SHE: variants seen among roughly 807,000 people sequenced by gnomAD.
SHE encodes SH2 domain-containing adapter protein E.
In SHE, 11 loss-of-function variants were observed where a neutral mutation model predicts 49.8. The ratio of observed to expected loss-of-function variants is 0.22; its 90% confidence interval spans 0.14 to 0.37. SHE has a LOEUF of 0.37. Ranked by LOEUF, SHE falls within the 10% of genes least tolerant of loss-of-function variation. The pLI is 1.00. For missense variants in SHE, 624 were observed against 655.5 expected, an observed-to-expected ratio of 0.95 and a Z score of 0.52; for synonymous variants, 310 against 278.1, an observed-to-expected ratio of 1.11 and a Z score of -1.14.
chr1:154,495,455 C>T (rs773886088), intron 2 of SHE, among the ~76,000 whole-genome samples: 3 of 152,062 alleles, frequency 2.0e-5, no homozygotes, highest in Non-Finnish European at 4.4e-5. Context: ...AAATTCTTAA[C>T]TTTTAAAAGT....
chr1:154,471,246 G>A (rs191419635), intron 1 of SHE, among the ~76,000 whole-genome samples: 133 of 152,204 alleles, frequency 8.7e-4, no homozygotes, highest in African/African-American at 3.0e-3. Flanking sequence ...CAGGCCAGGC[G>A]CAGTGGCTCA....
At chr1:154,479,064 T>A (rs1365380384), downstream of SHE, among the ~76,000 whole-genome samples, 1 of 152,022 alleles carries the variant, frequency 6.6e-6, no homozygotes, top group Non-Finnish European at 1.5e-5. Context: ...CTGGTACAAT[T>A]TTTTTTTAAA....
In SHE at chr1:154,486,449, T is replaced by C. The variant is rs200949039; in HGVS notation, c.1181+78A>G. ...CATTAACAAAAATAATCATGTGAAA[T>C]GGGCCAATGTGCTCCCTGATACAAA... is the stretch of plus-strand genomic sequence containing the variant. On this transcript the variant is annotated intron_variant, in intron 4 of 5. Transcript: ENST00000304760. 337 of 1,533,734 alleles carry C rather than the reference T, an allele frequency of 2.2e-4. 2 individuals are homozygous for C. The East Asian group carries it at 7.6e-3, about 34-fold the overall frequency.
chr1:154,497,614 C>A (rs1394540205), intron 2 of SHE, among the ~76,000 whole-genome samples: 5 of 152,144 alleles, frequency 3.3e-5, no homozygotes, highest in African/African-American at 1.2e-4. Flanking sequence ...TGAAAAGTTA[C>A]AAGATTAGTC....
At chr1:154,476,668 G>A (rs1470242073), downstream of SHE, among the ~76,000 whole-genome samples, 9 of 149,994 alleles carry the variant, frequency 6.0e-5, no homozygotes, top group Admixed American at 1.3e-4. Context: ...AATCCATACC[G>A]TCTCAGAAAA....
chr1:154,495,558 CCT>C (rs1692502318), intron 2 of SHE, among the ~76,000 whole-genome samples: 1 of 152,018 alleles, frequency 6.6e-6, no homozygotes, highest in Admixed American at 6.6e-5. Flanking sequence ...TTCCTCTGCC[CCT>C]GAGGTAGATG....
Position 154,482,157 on chromosome 1 carries a change from G to A in SHE, c.*1992C>T, listed in dbSNP as rs758592315. 1 of 218,988 alleles carries A rather than the reference G, an allele frequency of 4.6e-6. No homozygotes were observed. The highest frequency in any genetic ancestry group is 7.7e-6 in the Non-Finnish European group (1 of 129,658). 13.6% of individuals were successfully genotyped at this position (218,988 alleles called of 1,614,324 possible). On this transcript the variant is annotated 3_prime_UTR_variant, in exon 6 of 6. Coordinates refer to ENST00000304760, the MANE Select transcript of SHE (RefSeq NM_001010846.3). Reference sequence around the variant, plus strand: ...GCCTCCCAAGCAGCTGGAACTACAGGTGCCCGCCACCGTGCCCAGCTAATT... The same window carrying A: ...GCCTCCCAAGCAGCTGGAACTACAGATGCCCGCCACCGTGCCCAGCTAATT...
At chr1:154,488,922 C>T (rs1692269826) in intron 3 of SHE, 129 bp downstream of exon 3, 1 of 1,287,038 alleles carries the variant, frequency 7.8e-7, no homozygotes, top group East Asian at 2.4e-5. Context: ...CAGGCATTTC[C>T]AAAACAGTTG....
At position 154,480,401 on chromosome 1, in the gene SHE, A is replaced by AGAAT; in HGVS notation, c.*3744_*3747dup. 8 of 985,478 alleles carry AGAAT rather than the reference A, an allele frequency of 8.1e-6. No individual in the cohort carries two copies. Among genetic ancestry groups the AGAAT allele is most frequent in the Non-Finnish European group, 9.6e-6 (8 of 829,942 alleles). The allele number at this position is 985,478 out of a possible 1,614,324, so 61.0% of individuals were successfully genotyped here. ...CTAACCCCACTTAACCCGCAACTGA[A>AGAAT]GAATGCCTCACAGTTATTCTTCTGA... On this transcript the variant is annotated 3_prime_UTR_variant, in exon 6 of 6. Coordinates refer to ENST00000304760, the MANE Select transcript of SHE (RefSeq NM_001010846.3).
rs1293162552 is a variant in SHE, at chr1:154,484,008, A to G, written c.*141T>C. On this transcript the variant is annotated 3_prime_UTR_variant, in exon 6 of 6. Transcript: ENST00000304760. Reference sequence around the variant, plus strand: ...GCGAGACTTCGTCTCAAACAAAACAAAACAAATCACTCTCTGACTTTTCAA... The same window carrying G: ...GCGAGACTTCGTCTCAAACAAAACAGAACAAATCACTCTCTGACTTTTCAA... 6 of 1,436,332 alleles carry G rather than the reference A, an allele frequency of 4.2e-6. No homozygotes were observed. The East Asian group carries it at 1.5e-4, about 36-fold the overall frequency. 89.0% of individuals were successfully genotyped at this position (1,436,332 alleles called of 1,614,324 possible). A position where few individuals can be genotyped will look rare whatever the true frequency, so the allele number is the denominator to read the frequency against.
downstream of SHE, chr1:154,469,718 G>A (rs895335054): frequency 1.3e-5 from 2 of 152,296 alleles, no homozygotes; most frequent in East Asian, 1.9e-4. Flanking sequence ...ATTTTGCCAC[G>A]CTTACATCAC....
At chr1:154,475,960 C>A (rs1691867865), downstream of SHE, among the ~76,000 whole-genome samples, 1 of 152,180 alleles carries the variant, frequency 6.6e-6, no homozygotes, top group South Asian at 2.1e-4. Flanking sequence ...CTGTGCCCAG[C>A]CCATTGTATT....
intron 2 of SHE, among the ~76,000 whole-genome samples, chr1:154,493,335 C>A (rs953621097): frequency 6.6e-6 from 1 of 152,210 alleles, no homozygotes; most frequent in African/African-American, 2.4e-5. Context: ...AAACCTGAGG[C>A]GCCATAGAAA....
intron 3 of SHE, among the ~76,000 whole-genome samples, chr1:154,487,078 C>G (rs1174180043): frequency 6.6e-6 from 1 of 152,104 alleles, no homozygotes; most frequent in African/African-American, 2.4e-5. Flanking sequence ...TCAAGACCAT[C>G]CTGGCTAACC....
At chr1:154,472,572 C>A (rs762735699) in intron 1 of SHE, among the ~76,000 whole-genome samples, 3 of 152,190 alleles carry the variant, frequency 2.0e-5, no homozygotes, top group African/African-American at 4.8e-5. Flanking sequence ...TTCAGTGGAT[C>A]CCTTCTGTGG....
rs1268451552 is a variant in SHE at position 154,489,136 on chromosome 1, C to G, written c.939G>C (p.Arg313=). ...AEGKARPPDS[R]LPENDERPAA... ...CGGGCCTCTCGTCGTTCTCGGGCAGCCGGCTGTCTGGGGGCCGCGCCTTCC... is the reference window on the plus strand; with the variant it reads ...CGGGCCTCTCGTCGTTCTCGGGCAGGCGGCTGTCTGGGGGCCGCGCCTTCC... Residue 313 remains arginine (R), a synonymous_variant, in exon 3 of 6, where the codon CGG becomes CGC. Transcript: ENST00000304760. 9 of 1,613,908 alleles carry G rather than the reference C, an allele frequency of 5.6e-6. 1 individual carries two copies. In the South Asian group the frequency reaches 9.9e-5, roughly 18 times the overall value.
Position 154,483,920 on chromosome 1 carries a change from C to T in SHE, c.*229G>A, listed in dbSNP as rs1307210159. On this transcript the variant is annotated 3_prime_UTR_variant, in exon 6 of 6. Coordinates refer to ENST00000304760, the MANE Select transcript of SHE (RefSeq NM_001010846.3). The stretch of plus-strand genomic sequence containing the variant: ...GGCTGATGGGGAAGAACTGCTTGAA[C>T]CCAGGAGTCAGATGTTGCAGTGAGC... The T allele has an allele frequency of 8.8e-6, 11 of 1,252,786 alleles. No homozygotes were observed. Among genetic ancestry groups the T allele is most frequent in the Non-Finnish European group, 3.1e-6 (3 of 973,594 alleles). 77.6% of individuals were successfully genotyped at this position (1,252,786 alleles called of 1,614,324 possible).
At position 154,482,351 on chromosome 1, in the gene SHE, G is replaced by A. The variant is rs1190625817; in HGVS notation, c.*1798C>T. 3 of 985,152 alleles carry A rather than the reference G, an allele frequency of 3.0e-6. No individual in the cohort carries two copies. The African/African-American group carries it at 5.2e-5, about 17-fold the overall frequency. 61.0% of individuals were successfully genotyped at this position (985,152 alleles called of 1,614,324 possible). ...TAATAAAATCATTGTGTTCCAGTGA[G>A]GAAAAGTTCCTCTTAAATTTTTAAA... is the stretch of plus-strand genomic sequence containing the variant. On this transcript the variant is annotated 3_prime_UTR_variant, in exon 6 of 6. Coordinates refer to ENST00000304760, the MANE Select transcript of SHE (RefSeq NM_001010846.3).
chr1:154,493,938 G>A (rs1424100559), intron 2 of SHE, among the ~76,000 whole-genome samples: 1 of 152,222 alleles, frequency 6.6e-6, no homozygotes, highest in East Asian at 1.9e-4. Context: ...GGAAGCCACA[G>A]TCATGCAGCA....
Sources: allele counts gnomAD v4.1 joint callset (sites outside exome capture counted in the v4.1 genomes callset), GRCh38; gene constraint gnomAD v4.1.1; transcripts MANE v1.5; gene names NCBI Gene and HGNC (gene_info 2026-07-23, HGNC 2026-07-21).